EOGT: variants seen among roughly 807,000 people sequenced by gnomAD.
EOGT encodes EGF domain specific O-linked N-acetylglucosamine transferase, also known as EGF domain-specific O-linked N-acetylglucosamine transferase.
Under a neutral mutation model 70.5 loss-of-function variants are expected in EOGT, and 55 were observed. The ratio of observed to expected loss-of-function variants is 0.78; its 90% confidence interval spans 0.63 to 0.98. EOGT has a LOEUF of 0.98. EOGT is among the 50% of genes least tolerant of loss of function. The probability of loss-of-function intolerance (pLI) is 0.00; values close to 1 mark genes in which losing one functional copy is unlikely to be tolerated. For synonymous variants in EOGT, 246 were observed against 217.1 expected, an observed-to-expected ratio of 1.13 and a Z score of -1.17; for missense variants, 703 against 641.9, an observed-to-expected ratio of 1.10 and a Z score of -1.03.
intron 9 of EOGT, among the ~76,000 whole-genome samples, chr3:69,000,422 C>T (rs894630763): frequency 6.6e-6 from 1 of 152,056 alleles, no homozygotes; most frequent in Admixed American, 6.6e-5. Context: ...TTTTCTTTGC[C>T]CCTTTTTAAT....
At chr3:68,980,661 A>T (rs1198939506) in intron 15 of EOGT, among the ~76,000 whole-genome samples, 4 of 152,200 alleles carry the variant, frequency 2.6e-5, no homozygotes, top group Non-Finnish European at 5.9e-5. Flanking sequence ...TAACAACAAA[A>T]ACTCCGCATA....
At chr3:69,001,778 T>C in intron 8 of EOGT, 64 bp from the exon 9 acceptor site, 1 of 1,114,372 alleles carries the variant, frequency 9.0e-7, no homozygotes, top group Non-Finnish European at 1.3e-6. Flanking sequence ...TAGAACACTG[T>C]AACTTAGGAT....
At chr3:69,008,301 G>T in intron 5 of EOGT, 127 bp downstream of exon 5, 1 of 705,670 alleles carries the variant, frequency 1.4e-6, no homozygotes, top group Non-Finnish European at 2.5e-6. Flanking sequence ...TCATGACTGT[G>T]CAAGCAAATT....
At chr3:69,003,853 CT>C (rs2091367157) in intron 8 of EOGT, among the ~76,000 whole-genome samples, 1 of 152,082 alleles carries the variant, frequency 6.6e-6, no homozygotes, top group Admixed American at 6.5e-5. Flanking sequence ...TTTCTGTATG[CT>C]TTTACATACT....
At chr3:68,988,211 A>T in intron 13 of EOGT, 84 bp downstream of exon 13, 2 of 963,396 alleles carry the variant, frequency 2.1e-6, no homozygotes, top group Non-Finnish European at 3.1e-6. Flanking sequence ...TCTCCTGATT[A>T]TTTCTGTTTC....
At chr3:68,996,758 C>A (rs1346879655) in intron 10 of EOGT, among the ~76,000 whole-genome samples, 1 of 152,230 alleles carries the variant, frequency 6.6e-6, no homozygotes, top group Non-Finnish European at 1.5e-5. Context: ...GCAATGTCAT[C>A]CTGAATAGAC....
At chr3:68,982,425 C>T (rs2090673572) in intron 15 of EOGT, among the ~76,000 whole-genome samples, 1 of 152,120 alleles carries the variant, frequency 6.6e-6, no homozygotes, top group South Asian at 2.1e-4. Flanking sequence ...GAGGCAGAGG[C>T]AGGAGAATTA....
At chr3:68,982,376 C>T (rs1289248262) in intron 15 of EOGT, among the ~76,000 whole-genome samples, 1 of 151,890 alleles carries the variant, frequency 6.6e-6, no homozygotes, top group African/African-American at 2.4e-5. Context: ...AAAAATTAGC[C>T]GGATATGGTG....
At position 69,005,005 on chromosome 3, in the gene EOGT, T is replaced by C. The variant is rs1324195009; in HGVS notation, c.515+135A>G. 8 of 586,766 alleles carry C rather than the reference T, an allele frequency of 1.4e-5. No homozygotes were observed. In the East Asian group the frequency reaches 2.3e-4, roughly 17 times the overall value. 36.3% of individuals were successfully genotyped at this position (586,766 alleles called of 1,614,324 possible). Reference sequence around the variant, plus strand: ...TGGGTTTGGGAGGTCACAGCTGCACTGAGCCATGATTACACCGCTGCACTC... The same window carrying C: ...TGGGTTTGGGAGGTCACAGCTGCACCGAGCCATGATTACACCGCTGCACTC... On this transcript the variant is annotated intron_variant, in intron 7 of 17. Coordinates refer to ENST00000383701, the MANE Select transcript of EOGT (RefSeq NM_001278689.2).
At chr3:68,994,038 C>G (rs2091074291) in intron 10 of EOGT, among the ~76,000 whole-genome samples, 1 of 152,134 alleles carries the variant, frequency 6.6e-6, no homozygotes, top group Non-Finnish European at 1.5e-5. Flanking sequence ...AAGGACCAAT[C>G]TGGGTACCAT....
intron 10 of EOGT, among the ~76,000 whole-genome samples, chr3:68,997,371 C>CT (rs796115630): frequency 0.19 from 26,535 of 141,404 alleles, 2,589 homozygotes; most frequent in Non-Finnish European, 0.2. Flanking sequence ...GAATGACAGC[C>CT]TTTTTTTTTT....
rs938208475 is a variant in EOGT at position 68,975,920 on chromosome 3, A to G, written c.*1698T>C. 2.6e-5 allele frequency: 4 copies of G among 152,202 alleles called. No individual in the cohort carries two copies. The highest frequency in any genetic ancestry group is 4.4e-5 in the Non-Finnish European group (3 of 68,030). 9.4% of individuals were successfully genotyped at this position (152,202 alleles called of 1,614,324 possible). A position where few individuals can be genotyped will look rare whatever the true frequency, so the allele number is the denominator to read the frequency against. ...TACAACTGTAAAATATTTTTAAAAA[A>G]TTATTTAGCTATTCTGTAATTTGTT... On this transcript the variant is annotated 3_prime_UTR_variant, in exon 18 of 18. Transcript: ENST00000383701.
chr3:68,991,444 C>A (rs902713852), intron 10 of EOGT, among the ~76,000 whole-genome samples: 1 of 152,154 alleles, frequency 6.6e-6, no homozygotes, highest in Non-Finnish European at 1.5e-5. Context: ...GTAAATAGCA[C>A]AGAACTGGAA....
intron 10 of EOGT, 124 bp downstream of exon 10, chr3:68,997,887 G>A (rs761045555): frequency 2.9e-5 from 18 of 625,256 alleles, no homozygotes; most frequent in Middle Eastern, 5.1e-4. Context: ...GCACCCATCC[G>A]CATTATGTGC....
intron 15 of EOGT, among the ~76,000 whole-genome samples, chr3:68,980,597 G>A (rs1298118171): frequency 6.6e-6 from 1 of 152,178 alleles, no homozygotes; most frequent in African/African-American, 2.4e-5. Flanking sequence ...AAAAATAAAT[G>A]ATCAAGATTA....
intron 4 of EOGT, among the ~76,000 whole-genome samples, chr3:69,009,361 T>C (rs946603120): frequency 2.0e-5 from 3 of 152,242 alleles, no homozygotes; most frequent in Non-Finnish European, 4.4e-5. Context: ...TGTTCTTTCC[T>C]GCATAAAATC....
chr3:69,003,262 A>G (rs2091349188), intron 8 of EOGT, among the ~76,000 whole-genome samples: 1 of 152,210 alleles, frequency 6.6e-6, no homozygotes, highest in Admixed American at 6.5e-5. Flanking sequence ...ATGAGATATT[A>G]TCATTAGAGG....
At chr3:69,002,255 C>G (rs2091316206) in intron 8 of EOGT, among the ~76,000 whole-genome samples, 1 of 152,184 alleles carries the variant, frequency 6.6e-6, no homozygotes, top group Non-Finnish European at 1.5e-5. Context: ...CTCAGCCAAG[C>G]TGCTCCCAAA....
chr3:68,989,806 G>T (rs1215525097), intron 10 of EOGT, among the ~76,000 whole-genome samples: 1 of 149,478 alleles, frequency 6.7e-6, no homozygotes, highest in Non-Finnish European at 1.5e-5. Context: ...GCTGGTCACA[G>T]TGGCTCATGC....
Sources: allele counts gnomAD v4.1 joint callset (sites outside exome capture counted in the v4.1 genomes callset), GRCh38; gene constraint gnomAD v4.1.1; transcripts MANE v1.5; gene names NCBI Gene and HGNC (gene_info 2026-07-23, HGNC 2026-07-21).